The following CCDC138 variants were observed in gnomAD, a reference collection of about 807,000 sequenced individuals.
CCDC138 encodes the protein coiled-coil domain-containing protein 138.
CCDC138 carries 66 observed loss-of-function variants against 82.3 expected under a neutral mutation model. The ratio of observed to expected loss-of-function variants is 0.80; its 90% CI spans 0.66 to 0.98. CCDC138 has a LOEUF of 0.98. Ranked by LOEUF, CCDC138 falls within the 50% of genes least tolerant of loss-of-function variation. The probability of loss-of-function intolerance (pLI) is 0.00; values close to 1 mark genes in which losing one functional copy is unlikely to be tolerated. For synonymous variants in CCDC138, 297 were observed against 265.4 expected (o/e 1.12, Z -1.16); for missense variants, 816 against 758.9 (o/e 1.08, Z -0.88).
At chr2:108,833,948 G>C (rs1346861229) in intron 10 of CCDC138, among the ~76,000 whole-genome samples, 10 of 119,856 alleles carry the variant, frequency 8.3e-5, no homozygotes, top group African/African-American at 3.2e-4. Flanking sequence ...GGGTTTCACT[G>C]TGTTAGCCAG....
chr2:108,812,244 A>G (rs1354493491), intron 7 of CCDC138, among the ~76,000 whole-genome samples: 2 of 152,148 alleles, frequency 1.3e-5, no homozygotes, highest in African/African-American at 2.4e-5. Context: ...ACACAGACAC[A>G]TATACACATA....
chr2:108,856,498 C>T (rs1011529225), intron 12 of CCDC138, among the ~76,000 whole-genome samples: 2 of 152,084 alleles, frequency 1.3e-5, no homozygotes, highest in Non-Finnish European at 2.9e-5. Context: ...AATAAACATT[C>T]GTGATACTAA....
chr2:108,839,820 T>C (rs1043066791), intron 11 of CCDC138, among the ~76,000 whole-genome samples: 2 of 152,010 alleles, frequency 1.3e-5, no homozygotes, highest in African/African-American at 4.8e-5. Context: ...GAAAACAGTG[T>C]TGTGTTTTTT....
chr2:108,797,702 G>A (rs1032550665), intron 5 of CCDC138, among the ~76,000 whole-genome samples: 3 of 152,170 alleles, frequency 2.0e-5, no homozygotes, highest in Non-Finnish European at 4.4e-5. Flanking sequence ...TGTATTTTAT[G>A]AGAAAGAGAT....
At chr2:108,868,059 CAT>C (rs1271954666) in intron 13 of CCDC138, among the ~76,000 whole-genome samples, 7 of 152,202 alleles carry the variant, frequency 4.6e-5, no homozygotes, top group Non-Finnish European at 7.3e-5. Flanking sequence ...TGATGACTAA[CAT>C]GTGGACATAA....
intron 7 of CCDC138, among the ~76,000 whole-genome samples, chr2:108,808,447 C>T (rs1417144598): frequency 3.3e-5 from 5 of 152,078 alleles, no homozygotes; most frequent in South Asian, 2.1e-4. Context: ...TTGTGTTTTT[C>T]GTAATGGCTG....
At chr2:108,814,446 G>A (rs990740084) in intron 9 of CCDC138, among the ~76,000 whole-genome samples, 3 of 151,912 alleles carry the variant, frequency 2.0e-5, no homozygotes, top group African/African-American at 4.8e-5. Context: ...GAAGATAATC[G>A]AAGTTTTCAT....
At chr2:108,875,797 T>A (rs572971957) in intron 14 of CCDC138, among the ~76,000 whole-genome samples, 1 of 152,304 alleles carries the variant, frequency 6.6e-6, no homozygotes, top group East Asian at 1.9e-4. Context: ...AGGTTGAGGC[T>A]GCAGTAAGCT....
intron 6 of CCDC138, among the ~76,000 whole-genome samples, chr2:108,799,454 T>C (rs1681526430): frequency 6.6e-6 from 1 of 152,194 alleles, no homozygotes; most frequent in Admixed American, 6.6e-5. Context: ...CTTGTAGCTA[T>C]CCCTTTCCTC....
Position 108,812,847 on chromosome 2 carries a change from A to G in CCDC138, c.961A>G (p.Arg321Gly), listed in dbSNP as rs1218251798. ...QRKYEFMTIQ[R>G]LKGSSHAVHE... ...GAAGTACGAGTTTATGACAATACAG[A>G]GATTGAAAGGAAGTTCCCATGCTGT... The change falls in exon 9 of 15, where the codon AGA becomes GGA. Residue 321 changes from arginine (R) to glycine (G), a missense_variant. By Grantham distance (125) the Arg-to-Gly change is moderately radical. Transcript: ENST00000295124. 1 of 1,613,294 alleles carries G rather than the reference A, an allele frequency of 6.2e-7. No individual in the cohort carries two copies. Among genetic ancestry groups the G allele is most frequent in the Non-Finnish European group, 8.5e-7 (1 of 1,179,348 alleles).
At chr2:108,795,245 C>G (rs1271459948) in intron 5 of CCDC138, among the ~76,000 whole-genome samples, 1 of 150,052 alleles carries the variant, frequency 6.7e-6, no homozygotes, top group Non-Finnish European at 1.5e-5. Flanking sequence ...GCCTCCGCCT[C>G]CTGGGTTCCA....
rs1491527939 is a variant in CCDC138, at chr2:108,800,638, T to TTTTTTA, written c.735+2052_735+2053insTTTTTA. 1.6e-3 allele frequency among the ~76,000 whole-genome samples: 115 copies of TTTTTTA among 73,764 alleles called. 18 individuals are homozygous for TTTTTTA. Among genetic ancestry groups the TTTTTTA allele is most frequent in the African/African-American group, 5.1e-3 (88 of 17,276 alleles). The allele number at this position is 73,764 out of a possible 152,430, so 48.4% of individuals were successfully genotyped here. ...TTTTTTTTTTTTTTTTTTTTTTTTT[T>TTTTTTA]AATTATACTTTAAGTTTTAGGGTAC... On this transcript the variant is annotated intron_variant, in intron 6 of 14. Transcript: ENST00000295124.
intron 6 of CCDC138, among the ~76,000 whole-genome samples, chr2:108,800,367 C>T (rs1017148068): frequency 3.3e-5 from 5 of 152,100 alleles, no homozygotes; most frequent in African/African-American, 9.7e-5. Context: ...TGGGTTCAAG[C>T]GATTCTCCTG....
At chr2:108,809,451 TGTGTGTGTGTG>T (rs1558651119) in intron 7 of CCDC138, among the ~76,000 whole-genome samples, 315 of 25,958 alleles carry the variant, frequency 0.012, 1 homozygote, top group African/African-American at 0.034. Flanking sequence ...TGAAATGTTG[TGTGTGTGTGTG>T]TGTGTGTGTG....
intron 12 of CCDC138, among the ~76,000 whole-genome samples, chr2:108,853,861 T>TAA (rs1411827944): frequency 3.9e-5 from 5 of 128,692 alleles, no homozygotes; most frequent in Non-Finnish European, 3.1e-5. Context: ...ACTATATATA[T>TAA]AATATATATA....
At chr2:108,865,823 G>A (rs1359972829) in intron 13 of CCDC138, among the ~76,000 whole-genome samples, 3 of 152,118 alleles carry the variant, frequency 2.0e-5, no homozygotes, top group Non-Finnish European at 4.4e-5. Context: ...GGTAGAGGGC[G>A]GGGTGGCTAT....
intron 13 of CCDC138, among the ~76,000 whole-genome samples, chr2:108,858,457 T>C (rs1327770081): frequency 6.6e-6 from 1 of 152,206 alleles, no homozygotes; most frequent in African/African-American, 2.4e-5. Flanking sequence ...TGTTTAGTGA[T>C]GCGAAAATTT....
chr2:108,882,685 C>T (rs1696326253), exon 2 of CCDC138: 1 of 152,186 alleles, frequency 6.6e-6, no homozygotes, highest in African/African-American at 2.4e-5. Context: ...TCCTCCATGC[C>T]CTTCTGATGT....
At chr2:108,826,059 G>C (rs977838863) in intron 10 of CCDC138, among the ~76,000 whole-genome samples, 1 of 152,024 alleles carries the variant, frequency 6.6e-6, no homozygotes, top group Non-Finnish European at 1.5e-5. Flanking sequence ...TCTTTTATTG[G>C]TAAGTGTCTA....
Sources: gnomAD v4.1 joint callset for allele counts (sites outside exome capture counted in the v4.1 genomes callset) on GRCh38, gnomAD v4.1.1 for gene constraint, MANE v1.5 for transcripts, NCBI Gene and HGNC (gene_info 2026-07-23, HGNC 2026-07-21) for gene names.